The following SCFD2 variants were observed in gnomAD, a reference collection of about 807,000 sequenced individuals.
The protein encoded by SCFD2 is sec1 family domain containing 2, also known as sec1 family domain-containing protein 2.
Under a neutral mutation model 58.9 loss-of-function variants are expected in SCFD2, and 54 were observed. The ratio of observed to expected loss-of-function variants is 0.92; its 90% CI spans 0.74 to 1.15. The LOEUF is 1.15. Among genes scored for constraint, SCFD2 ranks in the 50% most tolerant of loss-of-function variants. The probability of loss-of-function intolerance (pLI) is 0.00; values close to 1 mark genes in which losing one functional copy is unlikely to be tolerated. For synonymous variants in SCFD2, 321 were observed against 335.9 expected, an observed-to-expected ratio of 0.96 and a Z score of 0.49; for missense variants, 805 against 836.6, an observed-to-expected ratio of 0.96 and a Z score of 0.47.
At chr4:53,180,876 T>G (rs1477800817) in intron 4 of SCFD2, among the ~76,000 whole-genome samples, 2 of 152,082 alleles carry the variant, frequency 1.3e-5, no homozygotes, top group African/African-American at 4.8e-5. Flanking sequence ...TATAAACACC[T>G]CTACGCAAAT....
chr4:53,058,050 G>C (rs1359608375), intron 5 of SCFD2, among the ~76,000 whole-genome samples: 1 of 152,042 alleles, frequency 6.6e-6, no homozygotes, highest in Non-Finnish European at 1.5e-5. Context: ...TTGTAAATAA[G>C]GCTATCAGAT....
intron 3 of SCFD2, among the ~76,000 whole-genome samples, chr4:53,287,464 C>T (rs1327959126): frequency 6.6e-6 from 1 of 152,226 alleles, no homozygotes; most frequent in Non-Finnish European, 1.5e-5. Flanking sequence ...GCCACTGACA[C>T]ACCTATAATC....
At chr4:53,214,068 C>T (rs1402921099) in intron 4 of SCFD2, among the ~76,000 whole-genome samples, 3 of 151,984 alleles carry the variant, frequency 2.0e-5, no homozygotes, top group East Asian at 3.9e-4. Flanking sequence ...ATGGACATTT[C>T]GGTTGATTTC....
At chr4:53,338,416 A>T (rs1016021100) in intron 2 of SCFD2, among the ~76,000 whole-genome samples, 1 of 152,052 alleles carries the variant, frequency 6.6e-6, no homozygotes. Context: ...AATATACACC[A>T]ACACACATTA....
chr4:53,081,937 A>T (rs140654874), intron 5 of SCFD2, among the ~76,000 whole-genome samples: 2 of 152,304 alleles, frequency 1.3e-5, no homozygotes, highest in African/African-American at 4.8e-5. Context: ...GACATTTCAT[A>T]TAAATGGAAT....
chr4:53,247,233 T>C (rs1730115271), intron 4 of SCFD2, among the ~76,000 whole-genome samples: 1 of 152,230 alleles, frequency 6.6e-6, no homozygotes, highest in South Asian at 2.1e-4. Flanking sequence ...AAAATGGCTA[T>C]TACTAAAATG....
chr4:53,164,699 G>A (rs1726952662), intron 4 of SCFD2, among the ~76,000 whole-genome samples: 1 of 151,366 alleles, frequency 6.6e-6, no homozygotes, highest in Non-Finnish European at 1.5e-5. Context: ...GGCTAAGGCA[G>A]GAGAATCACT....
intron 4 of SCFD2, among the ~76,000 whole-genome samples, chr4:53,250,744 A>C (rs1405085457): frequency 2.0e-5 from 3 of 152,270 alleles, no homozygotes; most frequent in Admixed American, 6.5e-5. Flanking sequence ...CATTCAAAGC[A>C]GTGTGTAGAG....
chr4:53,131,329 G>A (rs1182596370), intron 5 of SCFD2, among the ~76,000 whole-genome samples: 1 of 152,182 alleles, frequency 6.6e-6, no homozygotes, highest in Non-Finnish European at 1.5e-5. Flanking sequence ...CAGATAGAAG[G>A]CCATGGGCCA....
intron 4 of SCFD2, among the ~76,000 whole-genome samples, chr4:53,212,752 A>AT (rs1728662444): frequency 6.6e-6 from 1 of 151,842 alleles, no homozygotes; most frequent in East Asian, 1.9e-4. Flanking sequence ...ATATGGGATC[A>AT]TTTTTTCTCT....
At chr4:53,354,606 G>T (rs1734347464) in intron 1 of SCFD2, among the ~76,000 whole-genome samples, 1 of 152,106 alleles carries the variant, frequency 6.6e-6, no homozygotes, top group Non-Finnish European at 1.5e-5. Flanking sequence ...AGCGAGCAAG[G>T]GCTGCTAACA....
intron 5 of SCFD2, among the ~76,000 whole-genome samples, chr4:52,962,262 G>A (rs972852995): frequency 6.6e-6 from 1 of 152,158 alleles, no homozygotes; most frequent in Admixed American, 6.5e-5. Flanking sequence ...GGCACTGAAG[G>A]GAGCTCTCTG....
At chr4:53,305,646 T>C (rs1732491057) in intron 3 of SCFD2, among the ~76,000 whole-genome samples, 1 of 152,208 alleles carries the variant, frequency 6.6e-6, no homozygotes, top group Admixed American at 6.5e-5. Flanking sequence ...GGGTTTATTA[T>C]TATCTCAATA....
At chr4:53,278,857 G>A (rs1312744562) in intron 3 of SCFD2, among the ~76,000 whole-genome samples, 7 of 134,736 alleles carry the variant, frequency 5.2e-5, no homozygotes, top group African/African-American at 8.2e-5. Context: ...TGGAATTTAA[G>A]TTAAAAAGTA....
intron 4 of SCFD2, among the ~76,000 whole-genome samples, chr4:53,244,769 A>G (rs1730010716): frequency 6.6e-6 from 1 of 151,842 alleles, no homozygotes; most frequent in African/African-American, 2.4e-5. Flanking sequence ...GGAGACTGAG[A>G]TGTGAAAAAC....
intron 5 of SCFD2, among the ~76,000 whole-genome samples, chr4:53,124,778 T>C (rs542019666): frequency 9.2e-5 from 14 of 152,314 alleles, no homozygotes; most frequent in African/African-American, 3.4e-4. Flanking sequence ...ATCATAAAAA[T>C]GTCAAAACTC....
At position 53,175,554 on chromosome 4, in the gene SCFD2, C is replaced by T. The variant is rs1216989927; in HGVS notation, c.1312-29972G>A. Among the ~76,000 whole-genome samples, 6 of 152,236 alleles carry T rather than the reference C, an allele frequency of 3.9e-5. No homozygotes were observed. In the South Asian group the frequency reaches 8.3e-4, roughly 21 times the overall value. Reference sequence around the variant, plus strand: ...ATTGAAACTCCTAATTGAAATATTACCATGAATCAGATTTATATCTGTTAT... The same window carrying T: ...ATTGAAACTCCTAATTGAAATATTATCATGAATCAGATTTATATCTGTTAT... On this transcript the variant is annotated intron_variant, in intron 4 of 8. Coordinates refer to ENST00000401642, the MANE Select transcript of SCFD2 (RefSeq NM_152540.4).
intron 5 of SCFD2, among the ~76,000 whole-genome samples, chr4:53,141,600 C>A (rs1417465332): frequency 1.3e-5 from 2 of 151,220 alleles, no homozygotes; most frequent in African/African-American, 4.9e-5. Flanking sequence ...AATGCTTACA[C>A]ACAAAGTCAA....
At position 53,163,063 on chromosome 4, in the gene SCFD2, C is replaced by T. The variant is rs73817532; in HGVS notation, c.1312-17481G>A. 5.2e-3 allele frequency among the ~76,000 whole-genome samples: 788 copies of T among 152,188 alleles called. 9 individuals carry two copies. The highest frequency in any genetic ancestry group is 0.018 in the African/African-American group (745 of 41,530). On this transcript the variant is annotated intron_variant, in intron 4 of 8. Transcript: ENST00000401642. ...TATTGGGTAACAAAGCACCATTCCTCACATTCATGACCTCCCTGCAGAAAC... is the reference window on the plus strand; with the variant it reads ...TATTGGGTAACAAAGCACCATTCCTTACATTCATGACCTCCCTGCAGAAAC...
Sources: allele counts gnomAD v4.1 joint callset (sites outside exome capture counted in the v4.1 genomes callset), GRCh38; gene constraint gnomAD v4.1.1; transcripts MANE v1.5; gene names NCBI Gene and HGNC (gene_info 2026-07-23, HGNC 2026-07-21).